DLC1: variants seen among roughly 807,000 people sequenced by gnomAD.
DLC1 encodes rho GTPase-activating protein 7.
In DLC1, 54 loss-of-function variants were observed where a neutral mutation model predicts 140.3. The ratio of observed to expected loss-of-function variants is 0.38; its 90% CI spans 0.31 to 0.48. DLC1 has a LOEUF of 0.48. DLC1 is among the 20% of genes least tolerant of loss of function. DLC1 has a pLI of 0.96. For missense variants in DLC1, 2,536 were observed against 1,907.0 expected (o/e 1.33, Z -6.14); for synonymous variants, 986 against 728.1 (o/e 1.35, Z -5.70).
intron 1 of DLC1, among the ~76,000 whole-genome samples, chr8:13,576,097 C>T (rs190872195): frequency 6.6e-6 from 1 of 152,212 alleles, no homozygotes; most frequent in East Asian, 1.9e-4. Flanking sequence ...ATATACTGGC[C>T]CTTAGATCAC....
At chr8:13,525,572 T>C (rs1179396812) in intron 1 of DLC1, among the ~76,000 whole-genome samples, 2 of 152,220 alleles carry the variant, frequency 1.3e-5, no homozygotes, top group Non-Finnish European at 2.9e-5. Flanking sequence ...TTAACTTTCA[T>C]TTCCTAACGA....
At chr8:13,312,814 T>G (rs1292574615) in intron 4 of DLC1, among the ~76,000 whole-genome samples, 1 of 152,116 alleles carries the variant, frequency 6.6e-6, no homozygotes, top group Non-Finnish European at 1.5e-5. Context: ...TTCATAACAG[T>G]TTTTGTTTTT....
At chr8:13,397,037 C>G (rs147874619) in intron 3 of DLC1, among the ~76,000 whole-genome samples, 40 of 152,156 alleles carry the variant, frequency 2.6e-4, no homozygotes, top group African/African-American at 9.4e-4. Flanking sequence ...CCAGTTATGC[C>G]ATTCTTTGGG....
At chr8:13,494,928 G>A (rs904915102) in intron 2 of DLC1, among the ~76,000 whole-genome samples, 6 of 152,126 alleles carry the variant, frequency 3.9e-5, no homozygotes, top group Non-Finnish European at 8.8e-5. Flanking sequence ...TCCAGCCTGG[G>A]TAAGGAAGCA....
chr8:13,413,255 GATT>G (rs1837874424), intron 2 of DLC1, among the ~76,000 whole-genome samples: 1 of 30,140 alleles, frequency 3.3e-5, no homozygotes. Flanking sequence ...ATTTTTTTGC[GATT>G]TTTTTTTTTT....
chr8:13,382,141 A>G (rs1836290826), intron 4 of DLC1, among the ~76,000 whole-genome samples: 1 of 152,174 alleles, frequency 6.6e-6, no homozygotes, highest in Non-Finnish European at 1.5e-5. Flanking sequence ...TACCTAAAGA[A>G]TATAATGATC....
chr8:13,526,635 A>G (rs1802928260), intron 1 of DLC1, among the ~76,000 whole-genome samples: 1 of 152,152 alleles, frequency 6.6e-6, no homozygotes, highest in South Asian at 2.1e-4. Flanking sequence ...ACATGGATGA[A>G]GCTGGAAAAC....
chr8:13,100,611 G>C lies in DLC1; in HGVS notation c.1726C>G (p.Pro576Ala). The C allele has an allele frequency of 6.2e-7, 1 of 1,614,110 alleles. No individual in the cohort carries two copies. Among genetic ancestry groups the C allele is most frequent in the Non-Finnish European group, 8.5e-7 (1 of 1,180,016 alleles). ...SPDDSHPKDG[P>A]SPGGTLMDLS... The stretch of plus-strand genomic sequence containing the variant: ...TCCATCAGCGTGCCTCCGGGGCTGG[G>C]GCCGTCCTTCGGGTGGGAGTCGTCT... Residue 576 changes from proline to alanine, a missense_variant, in exon 9 of 18, where the codon CCC becomes GCC. Coordinates refer to ENST00000276297, the MANE Select transcript of DLC1 (RefSeq NM_182643.3).
intron 5 of DLC1, among the ~76,000 whole-genome samples, chr8:13,217,856 A>AAC (rs1468423254): frequency 7.5e-4 from 113 of 151,518 alleles, no homozygotes; most frequent in African/African-American, 2.5e-3. Context: ...AACAACAACA[A>AAC]AAAAAAACCA....
chr8:13,401,449 A>C, intron 3 of DLC1, 21 bp downstream of exon 3: 1 of 1,610,902 alleles, frequency 6.2e-7, no homozygotes, highest in Non-Finnish European at 8.5e-7. Flanking sequence ...TGGGAAAAGA[A>C]GTAGAAAGTG....
chr8:13,576,782 G>A (rs1563452079), intron 1 of DLC1, among the ~76,000 whole-genome samples: 1 of 152,132 alleles, frequency 6.6e-6, no homozygotes, highest in Non-Finnish European at 1.5e-5. Context: ...AGTTGGACGT[G>A]GTTAAAGCCT....
At chr8:13,299,197 C>A (rs528781590) in intron 5 of DLC1, among the ~76,000 whole-genome samples, 1 of 151,546 alleles carries the variant, frequency 6.6e-6, no homozygotes, top group Non-Finnish European at 1.5e-5. Context: ...AATCCCAGCA[C>A]TTTGGGAGGC....
chr8:13,092,542 C>T (rs1265673460), intron 13 of DLC1, 70 bp downstream of exon 13: 2 of 1,525,246 alleles, frequency 1.3e-6, no homozygotes, highest in South Asian at 1.2e-5. Context: ...CACAAAACCA[C>T]AGCTACGGAG....
intron 1 of DLC1, among the ~76,000 whole-genome samples, chr8:13,537,905 C>A (rs532882318): frequency 6.6e-6 from 1 of 152,040 alleles, no homozygotes; most frequent in Non-Finnish European, 1.5e-5. Context: ...CCGCCCACCT[C>A]GGCCTCCCAA....
chr8:13,362,490 C>G (rs576179680), intron 4 of DLC1, among the ~76,000 whole-genome samples: 1 of 152,202 alleles, frequency 6.6e-6, no homozygotes, highest in South Asian at 2.1e-4. Context: ...GAGTGAAACT[C>G]TTATGTCGGT....
chr8:13,317,274 G>C (rs150407920), intron 4 of DLC1, among the ~76,000 whole-genome samples: 2 of 152,154 alleles, frequency 1.3e-5, no homozygotes, highest in African/African-American at 4.8e-5. Context: ...TAATTAACTA[G>C]GAAGTATGAA....
chr8:13,223,109 T>C (rs1228293238), intron 5 of DLC1, among the ~76,000 whole-genome samples: 1 of 152,146 alleles, frequency 6.6e-6, no homozygotes, highest in African/African-American at 2.4e-5. Context: ...CTTCCTGCAA[T>C]CTTCTTAAAT....
intron 1 of DLC1, among the ~76,000 whole-genome samples, chr8:13,511,746 G>C (rs1378676732): frequency 3.3e-5 from 5 of 151,958 alleles, no homozygotes; most frequent in African/African-American, 1.2e-4. Context: ...TCTCTATTTT[G>C]ATAATAAAAT....
At chr8:13,368,812 C>T (rs1269474918) in intron 4 of DLC1, among the ~76,000 whole-genome samples, 1 of 152,042 alleles carries the variant, frequency 6.6e-6, no homozygotes, top group Non-Finnish European at 1.5e-5. Context: ...CTGCTCAGTC[C>T]ATCTCTGATG....
Sources: gnomAD v4.1 joint callset for allele counts (sites outside exome capture counted in the v4.1 genomes callset) on GRCh38, gnomAD v4.1.1 for gene constraint, MANE v1.5 for transcripts, NCBI Gene and HGNC (gene_info 2026-07-23, HGNC 2026-07-21) for gene names.